Variants in UBTD1 observed in about 807,000 individuals in gnomAD.
UBTD1 encodes ubiquitin domain containing 1, also known as ubiquitin domain-containing protein 1.
A neutral mutation model predicts 21.7 loss-of-function variants in UBTD1; 19 were observed. The observed-to-expected ratio is 0.87, with a 90% confidence interval of 0.61 to 1.28. The LOEUF (loss-of-function observed/expected upper bound fraction) is 1.28. Ranked by LOEUF, UBTD1 falls within the 50% of genes most tolerant of loss-of-function variation. UBTD1 has a pLI of 0.00. For synonymous variants in UBTD1, 116 were observed against 135.1 expected (o/e 0.86, Z 0.98); for missense variants, 282 against 315.1 (o/e 0.89, Z 0.80).
intron 1 of UBTD1, among the ~76,000 whole-genome samples, chr10:97,517,378 G>A (rs917466994): frequency 9.2e-5 from 14 of 152,080 alleles, no homozygotes; most frequent in African/African-American, 3.4e-4. Flanking sequence ...AAGTCCCTGG[G>A]TAGAGGAGGA....
chr10:97,545,077 G>A (rs2040602834), intron 1 of UBTD1, among the ~76,000 whole-genome samples: 1 of 151,896 alleles, frequency 6.6e-6, no homozygotes. Context: ...GCTCACACCT[G>A]TAATTCTAGC....
At position 97,570,279 on chromosome 10, in the gene UBTD1, G is replaced by C. The variant is rs773272741; in HGVS notation, c.440G>C (p.Arg147Pro). ...CCCGAGCCTCCACCCAGCGTGCGCC[G>C]TGAGTTCCCGCTGAAGGTGCGCCTG... ...EPPEPPPSVR[R>P]EFPLKVRLST... is the part of the protein sequence containing the mutation. The change falls in exon 3 of 3, where the codon CGT becomes CCT. Residue 147 changes from arginine (R) to proline (P), a missense_variant. Transcript: ENST00000370664. The surrounding 1 kb of genome is among the most constrained non-coding windows in gnomAD (Gnocchi z 6.6). The C allele has an allele frequency of 1.2e-6, 2 of 1,613,146 alleles. No homozygotes were observed. The highest frequency in any genetic ancestry group is 2.2e-5 in the South Asian group (2 of 91,082).
chr10:97,552,213 A>AT (rs59616617), intron 1 of UBTD1, among the ~76,000 whole-genome samples: 1 of 146,480 alleles, frequency 6.8e-6, no homozygotes, highest in East Asian at 2.0e-4. Flanking sequence ...AAAAAAAAAA[A>AT]TTTTTTTTAA....
chr10:97,507,774 C>CAAAA (rs61128714), intron 1 of UBTD1, among the ~76,000 whole-genome samples: 31 of 59,540 alleles, frequency 5.2e-4, no homozygotes, highest in Non-Finnish European at 8.5e-4. Flanking sequence ...GACTCCGTCT[C>CAAAA]AAAAAAAAAA....
At position 97,499,232 on chromosome 10, in the gene UBTD1, G is replaced by A; in HGVS notation, c.29G>A (p.Arg10Gln). Residue 10 changes from arginine (R) to glutamine (Q), a missense_variant, in exon 1 of 3, where the codon CGG (arginine) becomes CAG (glutamine). Coordinates refer to ENST00000370664, the MANE Select transcript of UBTD1 (RefSeq NM_024954.5). ...GGCAACTGCGTGGGGAGACAGCGCCGGGAGAGGCCGGCAGCCCCGGGACAC... is the reference window on the plus strand; with the variant it reads ...GGCAACTGCGTGGGGAGACAGCGCCAGGAGAGGCCGGCAGCCCCGGGACAC... MGNCVGRQR[R>Q]ERPAAPGHPR... is the part of the protein sequence containing the mutation. 3.2e-6 allele frequency: 5 copies of A among 1,548,358 alleles called. No individual in the cohort carries two copies. Among genetic ancestry groups the A allele is most frequent in the Non-Finnish European group, 4.4e-6 (5 of 1,145,790 alleles).
At chr10:97,524,260 A>C (rs2135665264) in intron 1 of UBTD1, among the ~76,000 whole-genome samples, 2 of 149,364 alleles carry the variant, frequency 1.3e-5, no homozygotes, top group Admixed American at 1.3e-4. Flanking sequence ...ATCCCTGGCT[A>C]ATTTTTGTAT....
intron 1 of UBTD1, among the ~76,000 whole-genome samples, chr10:97,501,667 A>G (rs1449416554): frequency 6.6e-6 from 1 of 152,174 alleles, no homozygotes; most frequent in African/African-American, 2.4e-5. Flanking sequence ...AAGTACTTTA[A>G]CTTTCAAGGC....
intron 1 of UBTD1, among the ~76,000 whole-genome samples, chr10:97,554,617 CAT>C (rs2040655595): frequency 6.6e-6 from 1 of 152,122 alleles, no homozygotes. Flanking sequence ...GTGGTGCAGT[CAT>C]AGTTCACTGC....
chr10:97,528,331 C>A (rs1348058168), intron 1 of UBTD1, among the ~76,000 whole-genome samples: 43 of 133,366 alleles, frequency 3.2e-4, no homozygotes, highest in Non-Finnish European at 3.2e-5. Flanking sequence ...CCGGACGGGG[C>A]GGCTCGCCTG....
intron 1 of UBTD1, among the ~76,000 whole-genome samples, chr10:97,560,637 G>A (rs574301816): frequency 2.0e-5 from 3 of 152,164 alleles, no homozygotes; most frequent in Admixed American, 1.3e-4. Flanking sequence ...CCTTCTGATC[G>A]CCAACCCACC....
rs1044577476 is a variant in UBTD1 at position 97,543,794 on chromosome 10, T to C, written c.71-24120T>C. ...GGAACCACAACCAGGGTGAAAATTA[T>C]GTAATTATGAAAATTACGGGGTCTT... On this transcript the variant is annotated intron_variant, in intron 1 of 2. Transcript: ENST00000370664. Among the ~76,000 whole-genome samples the C allele has an allele frequency of 2.0e-5, 3 of 152,222 alleles. 1 individual carries two copies. Among genetic ancestry groups the C allele is most frequent in the Non-Finnish European group, 4.4e-5 (3 of 68,032 alleles).
intron 1 of UBTD1, among the ~76,000 whole-genome samples, chr10:97,525,271 A>G (rs1453645660): frequency 1.3e-5 from 2 of 152,216 alleles, no homozygotes; most frequent in Non-Finnish European, 2.9e-5. Flanking sequence ...TGTAAATGCC[A>G]AAACAGAGAA....
intron 1 of UBTD1, among the ~76,000 whole-genome samples, chr10:97,525,272 A>G (rs1352489299): frequency 1.3e-5 from 2 of 152,180 alleles, no homozygotes. Context: ...GTAAATGCCA[A>G]AACAGAGAAT....
At chr10:97,539,996 A>G (rs535631999) in intron 1 of UBTD1, among the ~76,000 whole-genome samples, 86 of 151,766 alleles carry the variant, frequency 5.7e-4, no homozygotes, top group African/African-American at 2.0e-3. Context: ...GCCTCTGACC[A>G]TTTCCGCCCC....
At chr10:97,501,262 C>T (rs1052498013) in intron 1 of UBTD1, among the ~76,000 whole-genome samples, 3 of 152,230 alleles carry the variant, frequency 2.0e-5, no homozygotes, top group African/African-American at 2.4e-5. Flanking sequence ...AAATTAACTT[C>T]TTCCAGATTT....
intron 1 of UBTD1, among the ~76,000 whole-genome samples, chr10:97,555,501 C>T (rs1263746611): frequency 2.0e-5 from 3 of 152,142 alleles, no homozygotes. Context: ...CTCTCAGACA[C>T]CGAGTTGTAG....
At chr10:97,523,606 T>C (rs185835488) in intron 1 of UBTD1, among the ~76,000 whole-genome samples, 63 of 152,200 alleles carry the variant, frequency 4.1e-4, no homozygotes, top group Admixed American at 1.5e-3. Flanking sequence ...GAAGCGATGG[T>C]TGTAGAAGGT....
At chr10:97,550,378 C>T (rs190035370) in intron 1 of UBTD1, among the ~76,000 whole-genome samples, 2 of 152,264 alleles carry the variant, frequency 1.3e-5, no homozygotes, top group Non-Finnish European at 2.9e-5. Flanking sequence ...GATTTGGTGT[C>T]ACATCCCAGT....
intron 1 of UBTD1, among the ~76,000 whole-genome samples, chr10:97,562,618 G>C (rs1008227962): frequency 2.0e-5 from 3 of 151,844 alleles, no homozygotes; most frequent in Non-Finnish European, 2.9e-5. Context: ...CACAAGGGCG[G>C]GGGAATATCA....
Sources: allele counts gnomAD v4.1 joint callset (sites outside exome capture counted in the v4.1 genomes callset), GRCh38; gene constraint gnomAD v4.1.1; non-coding constraint Gnocchi (gnomAD v3.1); transcripts MANE v1.5; gene names NCBI Gene and HGNC (gene_info 2026-07-23, HGNC 2026-07-21).